The following ENTREP2 variants were observed in gnomAD, a reference collection of about 807,000 sequenced individuals.
The protein encoded by ENTREP2 is protein ENTREP2.
At chr15:29,268,409 C>T in the ENTREP2 span, 56 of 195,100 alleles carry the variant, frequency 2.9e-4, no homozygotes, top group Middle Eastern at 1.8e-3. Flanking sequence ...TTTTATTTTT[C>T]CTTACAAACT....
At chr15:29,566,178 G>A in the ENTREP2 span, among the ~76,000 whole-genome samples, 1 of 151,690 alleles carries the variant, frequency 6.6e-6, no homozygotes, top group Non-Finnish European at 1.5e-5. Context: ...TTTGTTTTCT[G>A]AGACAGAGTC....
At chr15:29,346,141 G>A in the ENTREP2 span, among the ~76,000 whole-genome samples, 30 of 152,312 alleles carry the variant, frequency 2.0e-4, no homozygotes, top group South Asian at 6.0e-3. Context: ...ACGCCAAGAA[G>A]AGAACCTGGA....
chr15:29,337,111 A>T, the ENTREP2 span, among the ~76,000 whole-genome samples: 1 of 152,170 alleles, frequency 6.6e-6, no homozygotes, highest in East Asian at 1.9e-4. Flanking sequence ...GTGGCAAGGA[A>T]AATTAATTTG....
the ENTREP2 span, among the ~76,000 whole-genome samples, chr15:29,168,124 A>T: frequency 6.6e-6 from 1 of 152,216 alleles, no homozygotes; most frequent in Non-Finnish European, 1.5e-5. Context: ...CTAAGCTATG[A>T]GGATGCAAGG....
chr15:29,555,748 T>A, the ENTREP2 span, among the ~76,000 whole-genome samples: 2 of 152,352 alleles, frequency 1.3e-5, no homozygotes, highest in Middle Eastern at 6.8e-3. Flanking sequence ...AACTCCCCTC[T>A]GAGAGTTGCA....
the ENTREP2 span, among the ~76,000 whole-genome samples, chr15:29,363,565 C>T: frequency 3.3e-5 from 5 of 152,120 alleles, no homozygotes; most frequent in Non-Finnish European, 5.9e-5. Context: ...GAAAAATGAT[C>T]AGCATAGCAA....
the ENTREP2 span, chr15:29,117,785 C>G: frequency 6.5e-6 from 1 of 152,918 alleles, no homozygotes; most frequent in Non-Finnish European, 1.5e-5. Flanking sequence ...TTTCCAGACT[C>G]TAGGGTTTTC....
the ENTREP2 span, among the ~76,000 whole-genome samples, chr15:29,494,552 G>A: frequency 6.6e-6 from 1 of 152,100 alleles, no homozygotes; most frequent in East Asian, 1.9e-4. Context: ...TACTCTCTTA[G>A]CAAATTTCAA....
At chr15:29,303,706 C>T in the ENTREP2 span, among the ~76,000 whole-genome samples, 1 of 147,068 alleles carries the variant, frequency 6.8e-6, no homozygotes, top group Non-Finnish European at 1.5e-5. Flanking sequence ...CCATGTGTAC[C>T]CAATGTTTAG....
chr15:29,562,751 T>C, the ENTREP2 span, among the ~76,000 whole-genome samples: 6 of 151,044 alleles, frequency 4.0e-5, no homozygotes, highest in Admixed American at 4.0e-4. Flanking sequence ...TATGTGTGTG[T>C]GTTGTTGTTG....
chr15:29,386,075 C>T, the ENTREP2 span, among the ~76,000 whole-genome samples: 1 of 152,176 alleles, frequency 6.6e-6, no homozygotes, highest in African/African-American at 2.4e-5. Flanking sequence ...ATCCACTTCG[C>T]TGAGAGCTAC....
chr15:29,145,171 C>A, the ENTREP2 span, among the ~76,000 whole-genome samples: 1 of 152,150 alleles, frequency 6.6e-6, no homozygotes, highest in East Asian at 1.9e-4. Flanking sequence ...TTATCATAAC[C>A]AAGTGGGATT....
At chr15:29,203,739 C>G in the ENTREP2 span, among the ~76,000 whole-genome samples, 2 of 152,210 alleles carry the variant, frequency 1.3e-5, no homozygotes, top group African/African-American at 2.4e-5. Flanking sequence ...TCTATATCCT[C>G]TTTGGCTTCA....
chr15:29,592,267 C>A, the ENTREP2 span, among the ~76,000 whole-genome samples: 1 of 152,202 alleles, frequency 6.6e-6, no homozygotes, highest in African/African-American at 2.4e-5. Flanking sequence ...GCAAGTCATG[C>A]TCATGAAATT....
At chr15:29,582,742 C>T in the ENTREP2 span, among the ~76,000 whole-genome samples, 2 of 152,178 alleles carry the variant, frequency 1.3e-5, no homozygotes, top group East Asian at 3.9e-4. Context: ...ACCTCTGCCT[C>T]CCAGGTTCAA....
the ENTREP2 span, among the ~76,000 whole-genome samples, chr15:29,271,451 C>G: frequency 6.6e-6 from 1 of 152,182 alleles, no homozygotes; most frequent in African/African-American, 2.4e-5. Flanking sequence ...GAAAAAACAA[C>G]AAGGAAGTAA....
the ENTREP2 span, among the ~76,000 whole-genome samples, chr15:29,544,698 C>G: frequency 6.6e-6 from 1 of 152,102 alleles, no homozygotes; most frequent in African/African-American, 2.4e-5. Flanking sequence ...GCTACATCTG[C>G]CTCAGAGCAG....
the ENTREP2 span, among the ~76,000 whole-genome samples, chr15:29,303,950 G>A: frequency 4.6e-5 from 7 of 151,682 alleles, no homozygotes; most frequent in Non-Finnish European, 1.0e-4. Flanking sequence ...GCGTGATCTC[G>A]GCTCACTGCA....
chr15:29,575,468 A>T, the ENTREP2 span, among the ~76,000 whole-genome samples: 1 of 152,188 alleles, frequency 6.6e-6, no homozygotes, highest in Non-Finnish European at 1.5e-5. Context: ...GAATGTCCAC[A>T]TTCACCACCA....
Sources: allele counts gnomAD v4.1 joint callset (sites outside exome capture counted in the v4.1 genomes callset), GRCh38; gene constraint gnomAD v4.1.1; transcripts MANE v1.5; gene names NCBI Gene and HGNC (gene_info 2026-07-23, HGNC 2026-07-21).